Variants in ZNF821 observed in about 807,000 individuals in gnomAD.
ZNF821 encodes zinc finger protein 821.
In ZNF821, 16 loss-of-function variants were observed where a neutral mutation model predicts 44.3. The ratio of observed to expected loss-of-function variants is 0.36; its 90% CI spans 0.24 to 0.55. The LOEUF (loss-of-function observed/expected upper bound fraction) is 0.55, where lower values mean the gene tolerates loss of function less well. Ranked by LOEUF, ZNF821 falls within the 20% of genes least tolerant of loss-of-function variation. The pLI is 0.86. For synonymous variants in ZNF821, 204 were observed against 197.6 expected, an observed-to-expected ratio of 1.03 and a Z score of -0.27; for missense variants, 436 against 547.6, an observed-to-expected ratio of 0.80 and a Z score of 2.03.
At chr16:71,876,382 T>C (rs1273645054) in intron 3 of ZNF821, among the ~76,000 whole-genome samples, 1 of 151,938 alleles carries the variant, frequency 6.6e-6, no homozygotes, top group East Asian at 1.9e-4. Context: ...TTTTGTATTT[T>C]TAGTAGAGAT....
chr16:71,886,677 C>A (rs1034647593), upstream of ZNF821, among the ~76,000 whole-genome samples: 2 of 152,194 alleles, frequency 1.3e-5, no homozygotes, highest in African/African-American at 2.4e-5. Flanking sequence ...GTATAATTCA[C>A]ATACCATGAA....
upstream of ZNF821, among the ~76,000 whole-genome samples, chr16:71,887,088 T>C (rs1202587854): frequency 6.6e-6 from 1 of 152,228 alleles, no homozygotes; most frequent in Non-Finnish European, 1.5e-5. Flanking sequence ...CATTCATTAG[T>C]GGAACGATAT....
At chr16:71,881,924 T>C (rs1031316835) in intron 2 of ZNF821, 4 of 150,636 alleles carry the variant, frequency 2.7e-5, no homozygotes, top group African/African-American at 9.8e-5. Flanking sequence ...TGAGCTGGGA[T>C]GGAGGCACTA....
chr16:71,877,034 C>T (rs555578122), intron 3 of ZNF821, among the ~76,000 whole-genome samples: 4 of 152,344 alleles, frequency 2.6e-5, no homozygotes, highest in African/African-American at 7.2e-5. Flanking sequence ...TGCACACCCC[C>T]ATTCCAGAAT....
chr16:71,887,084 T>G (rs189277069), upstream of ZNF821, among the ~76,000 whole-genome samples: 1 of 152,356 alleles, frequency 6.6e-6, no homozygotes, highest in Non-Finnish European at 1.5e-5. Context: ...TATCCATTCA[T>G]TAGTGGAACG....
At chr16:71,882,948 AATAG>A (rs1367835056) in intron 2 of ZNF821, among the ~76,000 whole-genome samples, 3 of 152,190 alleles carry the variant, frequency 2.0e-5, no homozygotes, top group South Asian at 2.1e-4. Context: ...CAAAAATGTA[AATAG>A]ATAGCTGCCT....
At chr16:71,878,705 A>C (rs1204077214) in intron 3 of ZNF821, among the ~76,000 whole-genome samples, 1 of 152,052 alleles carries the variant, frequency 6.6e-6, no homozygotes, top group African/African-American at 2.4e-5. Context: ...CGAGGTGGCC[A>C]GATCACCTGA....
chr16:71,894,575 G>C (rs1468142702), intron 1 of ZNF821: 2 of 387,462 alleles, frequency 5.2e-6, no homozygotes, highest in Non-Finnish European at 4.7e-6. Context: ...GCCTAGGCTG[G>C]AGTGCTGTGA....
intron 1 of ZNF821, among the ~76,000 whole-genome samples, chr16:71,892,770 C>T (rs1363300548): frequency 6.8e-6 from 1 of 147,304 alleles, no homozygotes; most frequent in African/African-American, 2.6e-5. Context: ...CTTGCTCTGT[C>T]ACCCAGGCTG....
chr16:71,881,978 G>C (rs973427228), intron 2 of ZNF821: 1 of 150,694 alleles, frequency 6.6e-6, no homozygotes, highest in Non-Finnish European at 1.5e-5. Flanking sequence ...CTCAAAAAAA[G>C]ATAAAAAACT....
At chr16:71,884,301 C>T (rs1007439608), upstream of ZNF821, 9 of 151,978 alleles carry the variant, frequency 5.9e-5, no homozygotes, top group Non-Finnish European at 1.2e-4. Flanking sequence ...AGGAGAGGGG[C>T]TCTGGAGAGG....
In ZNF821 at chr16:71,860,161, G is replaced by T; in HGVS notation, c.1096C>A (p.Gln366Lys). 1 of 1,614,222 alleles carries T rather than the reference G, an allele frequency of 6.2e-7. No individual in the cohort carries two copies. The highest frequency in any genetic ancestry group is 8.5e-7 in the Non-Finnish European group (1 of 1,180,042). The stretch of plus-strand genomic sequence containing the variant: ...ATGGCAGAAGGGTCCTGGCCAAACT[G>T]AGCTCGCAACATCATGTCCATTTTC... ...LEKMDMMLRA[Q>K]FGQDPSAMAA... is the part of the protein sequence containing the mutation. The change falls in exon 8 of 8, where the codon CAG becomes AAG. Residue 366 changes from glutamine (Q) to lysine (K), a missense_variant. Transcript: ENST00000425432. The surrounding 1 kb of genome is among the most constrained non-coding windows in gnomAD (Gnocchi z 7.3).
At chr16:71,879,375 C>A (rs532107766) in intron 3 of ZNF821, among the ~76,000 whole-genome samples, 4 of 152,170 alleles carry the variant, frequency 2.6e-5, no homozygotes, top group Non-Finnish European at 5.9e-5. Context: ...CTCTAAGGCC[C>A]AGTTCAGGCG....
chr16:71,878,603 T>G (rs2036101110), intron 3 of ZNF821, among the ~76,000 whole-genome samples: 1 of 152,114 alleles, frequency 6.6e-6, no homozygotes, highest in Admixed American at 6.5e-5. Context: ...GCACATAGTC[T>G]CTGCCTTCTA....
chr16:71,877,468 C>G (rs1037614469), intron 3 of ZNF821, among the ~76,000 whole-genome samples: 7 of 152,056 alleles, frequency 4.6e-5, no homozygotes, highest in African/African-American at 1.2e-4. Flanking sequence ...CCATGTTGCT[C>G]AGGCTGGTCT....
At chr16:71,878,899 G>A (rs970944417) in intron 3 of ZNF821, among the ~76,000 whole-genome samples, 1 of 151,572 alleles carries the variant, frequency 6.6e-6, no homozygotes, top group Admixed American at 6.6e-5. Flanking sequence ...ACTCCAGCCT[G>A]GGTGACAGAG....
intron 3 of ZNF821, among the ~76,000 whole-genome samples, chr16:71,874,954 T>C (rs1383211905): frequency 6.6e-6 from 1 of 152,182 alleles, no homozygotes; most frequent in East Asian, 1.9e-4. Context: ...AACAAATAAA[T>C]AGAAGGTCCT....
At chr16:71,890,390 CT>C (rs11298803) in intron 1 of ZNF821, among the ~76,000 whole-genome samples, 104,337 of 145,464 alleles carry the variant, frequency 0.72, 37,706 homozygotes, top group East Asian at 0.97. Context: ...AGTCAGCAAA[CT>C]TTTTTTTTTT....
In ZNF821 at chr16:71,860,493, A is replaced by C; in HGVS notation, c.764T>G (p.Val255Gly). ...CTGTCGACGTAGAGCCCACTTGCGT[A>C]CACTGGGAGTCTGGGCTTCCAGCAG... Reference protein sequence around the residue: ...RKLLEAQTPSVRKWALRRQNE... With the variant: ...RKLLEAQTPSGRKWALRRQNE... The change falls in exon 8 of 8, where the codon GTA (valine) becomes GGA (glycine). Residue 255 changes from valine (V) to glycine (G), a missense_variant. Val to Gly is a moderately radical substitution (Grantham distance 109). Transcript: ENST00000425432. The surrounding 1 kb of genome is among the most constrained non-coding windows in gnomAD (Gnocchi z 7.3). 1 of 1,614,156 alleles carries C rather than the reference A, an allele frequency of 6.2e-7. No individual in the cohort carries two copies. Among genetic ancestry groups the C allele is most frequent in the Non-Finnish European group, 8.5e-7 (1 of 1,180,028 alleles).
Sources: allele counts gnomAD v4.1 joint callset (sites outside exome capture counted in the v4.1 genomes callset), GRCh38; gene constraint gnomAD v4.1.1; non-coding constraint Gnocchi (gnomAD v3.1); transcripts MANE v1.5; gene names NCBI Gene and HGNC (gene_info 2026-07-23, HGNC 2026-07-21).